Variants in TJP1 observed in about 807,000 individuals in gnomAD.
The protein encoded by TJP1 is tight junction protein ZO-1.
In TJP1, 43 loss-of-function variants were observed where a neutral mutation model predicts 194.2. The ratio of observed to expected loss-of-function variants is 0.22; its 90% confidence interval spans 0.17 to 0.29. The LOEUF is 0.29. TJP1 is among the 10% of genes least tolerant of loss of function. The pLI is 1.00. For missense variants in TJP1, 1,971 were observed against 2,185.7 expected, an observed-to-expected ratio of 0.90 and a Z score of 1.96; for synonymous variants, 801 against 779.0, an observed-to-expected ratio of 1.03 and a Z score of -0.47.
At chr15:29,896,825 C>T (rs1414899742) in intron 2 of TJP1, among the ~76,000 whole-genome samples, 2 of 152,112 alleles carry the variant, frequency 1.3e-5, no homozygotes, top group Non-Finnish European at 2.9e-5. Flanking sequence ...GAACTCTGAA[C>T]TTGAGAGAGC....
chr15:29,762,493 A>C, intron 5 of TJP1, 55 bp from the exon 6 acceptor site: 1 of 1,318,698 alleles, frequency 7.6e-7, no homozygotes, highest in Admixed American at 1.9e-5. Context: ...ACCTAAATAG[A>C]TTTTACAAGT....
chr15:29,926,939 A>G (rs146194770), intron 2 of TJP1, among the ~76,000 whole-genome samples: 11 of 152,268 alleles, frequency 7.2e-5, no homozygotes, highest in African/African-American at 2.7e-4. Flanking sequence ...CTACTTGTGT[A>G]AATTACAGAA....
chr15:29,761,338 G>A (rs1282099577), intron 7 of TJP1, 52 bp from the exon 8 acceptor site: 2 of 1,598,240 alleles, frequency 1.3e-6, no homozygotes, highest in Admixed American at 3.4e-5. Flanking sequence ...TTACAGTCAA[G>A]TATAAGGTAC....
chr15:29,704,406 A>G, intron 26 of TJP1, 101 bp from the exon 27 acceptor site: 1 of 1,415,362 alleles, frequency 7.1e-7, no homozygotes, highest in Non-Finnish European at 9.5e-7. Context: ...TTGAAAGCCT[A>G]ATGGAGTTAG....
upstream of TJP1, chr15:29,824,093 AAAAAAAAAAAAAAAAAAAAAAAAAT>A (rs1475263597): frequency 7.7e-6 from 1 of 129,060 alleles, no homozygotes; most frequent in Non-Finnish European, 1.6e-5. Context: ...AAAAAAAAAA[AAAAAAAAAAAAAAAAAAAAAAAAAT>A]GGTGGCCAGG....
chr15:29,799,720 CAACT>C, intron 2 of TJP1, among the ~76,000 whole-genome samples: 1 of 152,218 alleles, frequency 6.6e-6, no homozygotes, highest in South Asian at 2.1e-4. Flanking sequence ...CAGCCAAAAA[CAACT>C]ATTTTTTAAT....
At chr15:29,883,332 G>C (rs1596178381) in intron 2 of TJP1, among the ~76,000 whole-genome samples, 1 of 152,188 alleles carries the variant, frequency 6.6e-6, no homozygotes, top group African/African-American at 2.4e-5. Context: ...TGACTGCGTT[G>C]GGTGAAATGC....
At chr15:29,906,064 C>G (rs1057506428) in intron 2 of TJP1, among the ~76,000 whole-genome samples, 1 of 152,090 alleles carries the variant, frequency 6.6e-6, no homozygotes, top group East Asian at 1.9e-4. Context: ...ACTAAAGTAC[C>G]GCTCTGGTGT....
intron 11 of TJP1, among the ~76,000 whole-genome samples, chr15:29,736,476 G>A (rs2044043010): frequency 6.6e-6 from 1 of 152,168 alleles, no homozygotes; most frequent in Admixed American, 6.5e-5. Context: ...AAGACTTTGT[G>A]GTAGAGAAGC....
intron 2 of TJP1, among the ~76,000 whole-genome samples, chr15:29,896,116 T>C (rs2053468968): frequency 6.6e-6 from 1 of 152,166 alleles, no homozygotes; most frequent in African/African-American, 2.4e-5. Context: ...CATATGAATT[T>C]TGAGGGAGCA....
intron 1 of TJP1, among the ~76,000 whole-genome samples, chr15:29,817,788 A>T (rs1409475990): frequency 6.6e-6 from 1 of 152,188 alleles, no homozygotes; most frequent in Non-Finnish European, 1.5e-5. Context: ...GAACAATGAG[A>T]ACACATGGAC....
chr15:29,837,820 G>GT (rs998495831), intron 2 of TJP1, among the ~76,000 whole-genome samples: 1 of 152,132 alleles, frequency 6.6e-6, no homozygotes, highest in Non-Finnish European at 1.5e-5. Flanking sequence ...GCCTGCAGTG[G>GT]TAAGACATAT....
intron 2 of TJP1, among the ~76,000 whole-genome samples, chr15:29,780,243 T>C (rs186742705): frequency 1.4e-3 from 206 of 152,052 alleles, no homozygotes; most frequent in Middle Eastern, 6.8e-3. Context: ...ACTCACCATA[T>C]TGTAGAATCA....
chr15:29,781,488 G>T (rs12440211), intron 2 of TJP1, among the ~76,000 whole-genome samples: 121,501 of 152,120 alleles, frequency 0.8, 48,838 homozygotes, highest in East Asian at 0.88. Context: ...ATCATCCTGA[G>T]ACCAAAACCT....
intron 1 of TJP1, chr15:29,968,567 C>A (rs538238123): frequency 2.6e-5 from 22 of 834,698 alleles, no homozygotes; most frequent in Admixed American, 6.3e-5. Flanking sequence ...GCCTCGCCCC[C>A]CGCCCGACCG....
intron 2 of TJP1, among the ~76,000 whole-genome samples, chr15:29,852,841 T>G (rs188515139): frequency 1.9e-3 from 295 of 151,716 alleles, no homozygotes; most frequent in Non-Finnish European, 3.0e-3. Context: ...GAGGCGGAGG[T>G]TGCAGTGAGC....
intron 8 of TJP1, among the ~76,000 whole-genome samples, chr15:29,756,323 C>T (rs1329694847): frequency 1.3e-5 from 2 of 152,198 alleles, no homozygotes; most frequent in African/African-American, 2.4e-5. Flanking sequence ...AAGAAAACCA[C>T]TGTAATTATT....
At chr15:29,709,171 T>C (rs1358236504) in intron 24 of TJP1, 135 bp from the exon 25 acceptor site, 3 of 793,212 alleles carry the variant, frequency 3.8e-6, no homozygotes, top group African/African-American at 1.7e-5. Flanking sequence ...TCTTGAGCCC[T>C]GGAGGCTAGG....
chr15:29,870,556 T>C lies in TJP1; in HGVS notation c.307-69854A>G, dbSNP rs935284960. 7.9e-5 allele frequency among the ~76,000 whole-genome samples: 12 copies of C among 152,332 alleles called. No homozygotes were observed. In the East Asian group the frequency reaches 2.3e-3, roughly 29 times the overall value. ...TTCCTGTAAACAGGCAGGCTAGATT[T>C]ATTGTGCCCCTGGGAAATTCTCTGG... On this transcript the variant is annotated intron_variant, in intron 2 of 28. Transcript: ENST00000356107.
Sources: allele counts gnomAD v4.1 joint callset (sites outside exome capture counted in the v4.1 genomes callset), GRCh38; gene constraint gnomAD v4.1.1; transcripts MANE v1.5; gene names NCBI Gene and HGNC (gene_info 2026-07-23, HGNC 2026-07-21).